Variants in ASTN2 observed in about 807,000 individuals in gnomAD.
The protein encoded by ASTN2 is astrotactin 2.
In ASTN2, 54 loss-of-function variants were observed where a neutral mutation model predicts 139.8. That is an observed-to-expected ratio of 0.39 (90% CI 0.31 to 0.48). ASTN2 has a LOEUF of 0.48. Ranked by LOEUF, ASTN2 falls within the 20% of genes least tolerant of loss-of-function variation. ASTN2 has a pLI of 0.95. For synonymous variants in ASTN2, 756 were observed against 719.5 expected (o/e 1.05, Z -0.81); for missense variants, 1,565 against 1,725.1 (o/e 0.91, Z 1.64).
chr9:117,363,302 C>T (rs1489011557), intron 1 of ASTN2, among the ~76,000 whole-genome samples: 1 of 152,174 alleles, frequency 6.6e-6, no homozygotes, highest in East Asian at 1.9e-4. Flanking sequence ...TGAAGGAAGG[C>T]TTTACAGAAA....
intron 10 of ASTN2, among the ~76,000 whole-genome samples, chr9:116,938,370 T>G (rs1835133004): frequency 6.6e-6 from 1 of 152,200 alleles, no homozygotes; most frequent in African/African-American, 2.4e-5. Context: ...TTCCTGATGG[T>G]GGAGACTTTT....
intron 13 of ASTN2, among the ~76,000 whole-genome samples, chr9:116,770,496 C>G (rs1372332): frequency 0.4 from 60,084 of 152,082 alleles, 13,781 homozygotes; most frequent in Non-Finnish European, 0.52. Context: ...ACCCAGGTCC[C>G]AGAAAGGTGA....
At chr9:117,062,519 ATT>A (rs200683839) in intron 5 of ASTN2, among the ~76,000 whole-genome samples, 1 of 152,070 alleles carries the variant, frequency 6.6e-6, no homozygotes, top group Non-Finnish European at 1.5e-5. Flanking sequence ...ATTTTTAAAC[ATT>A]TTTTTTCCTG....
Position 117,366,552 on chromosome 9 carries a change from CCT to C in ASTN2, c.442+47943_442+47944del, listed in dbSNP as rs543883784. On this transcript the variant is annotated intron_variant, in intron 1 of 22. Transcript: ENST00000313400. ...CATGATCTTTTCATAAGAAATCCCC[CCT>C]CTCTCTAACTCCTCTGAGAACACAG... Among the ~76,000 whole-genome samples the C allele has an allele frequency of 3.9e-5, 6 of 152,160 alleles. No homozygotes were observed. The East Asian group carries it at 7.8e-4, about 20-fold the overall frequency.
At chr9:117,215,007 C>T (rs1392456392) in intron 2 of ASTN2, among the ~76,000 whole-genome samples, 1 of 152,204 alleles carries the variant, frequency 6.6e-6, no homozygotes, top group African/African-American at 2.4e-5. Flanking sequence ...GGAATCCCTG[C>T]TCTTCCTTCT....
intron 3 of ASTN2, among the ~76,000 whole-genome samples, chr9:117,148,852 G>C (rs1591256): frequency 0.13 from 19,568 of 152,090 alleles, 1,554 homozygotes; most frequent in Non-Finnish European, 0.18. Flanking sequence ...ATGGAAGAAA[G>C]ACTAACCTCT....
chr9:117,084,095 T>C (rs1329751293), intron 5 of ASTN2, among the ~76,000 whole-genome samples: 1 of 151,000 alleles, frequency 6.6e-6, no homozygotes, highest in Non-Finnish European at 1.5e-5. Flanking sequence ...AGGGAGAGAA[T>C]AGAGACAGAT....
chr9:117,045,995 T>TACGTACGTAC (rs1402092655), intron 5 of ASTN2, among the ~76,000 whole-genome samples: 11 of 122,864 alleles, frequency 9.0e-5, no homozygotes, highest in South Asian at 2.7e-4. Context: ...TACGTACGTA[T>TACGTACGTAC]GTATGTATGT....
At chr9:117,099,487 A>G (rs1256862156) in intron 4 of ASTN2, among the ~76,000 whole-genome samples, 2 of 152,358 alleles carry the variant, frequency 1.3e-5, no homozygotes, top group East Asian at 1.9e-4. Context: ...CTGGAGCAAG[A>G]TAGACAGAGT....
chr9:116,679,198 G>A (rs1301594110), intron 16 of ASTN2, among the ~76,000 whole-genome samples: 3 of 152,082 alleles, frequency 2.0e-5, no homozygotes, highest in Non-Finnish European at 4.4e-5. Flanking sequence ...GATGACTTAT[G>A]GTAACCTGGG....
At chr9:117,249,727 G>T (rs927984059) in intron 2 of ASTN2, among the ~76,000 whole-genome samples, 3 of 151,122 alleles carry the variant, frequency 2.0e-5, no homozygotes, top group African/African-American at 7.3e-5. Flanking sequence ...TGGAGAGGCT[G>T]AAATCCAGAT....
At chr9:116,686,549 G>A (rs1860219187) in intron 16 of ASTN2, 9 of 762,196 alleles carry the variant, frequency 1.2e-5, no homozygotes, top group South Asian at 1.2e-4. Flanking sequence ...TGCAGGTCGT[G>A]GCCAGCCAGT....
At chr9:116,691,780 C>G in intron 16 of ASTN2, among the ~76,000 whole-genome samples, 1 of 152,168 alleles carries the variant, frequency 6.6e-6, no homozygotes, top group East Asian at 1.9e-4. Context: ...GTCCTGCTAA[C>G]GAGTGGCCTT....
chr9:117,228,400 T>C (rs117635345), intron 2 of ASTN2, among the ~76,000 whole-genome samples: 1 of 152,240 alleles, frequency 6.6e-6, no homozygotes, highest in East Asian at 1.9e-4. Context: ...CTTAGAGGCA[T>C]TGTTTTGCTG....
chr9:116,917,860 T>A (rs1444077233), intron 10 of ASTN2, among the ~76,000 whole-genome samples: 1 of 152,190 alleles, frequency 6.6e-6, no homozygotes, highest in African/African-American at 2.4e-5. Flanking sequence ...CTCAAGATAG[T>A]GCCTGATATG....
chr9:116,431,791 A>C (rs942657780), intron 22 of ASTN2, among the ~76,000 whole-genome samples: 1 of 152,208 alleles, frequency 6.6e-6, no homozygotes, highest in East Asian at 1.9e-4. Context: ...GCTTCAAGCC[A>C]GTCATTGATT....
intron 13 of ASTN2, among the ~76,000 whole-genome samples, chr9:116,778,243 G>T (rs986318154): frequency 6.6e-6 from 1 of 152,028 alleles, no homozygotes; most frequent in Non-Finnish European, 1.5e-5. Flanking sequence ...AATCTAGAAA[G>T]ATAGCACTAC....
intron 5 of ASTN2, among the ~76,000 whole-genome samples, chr9:117,045,979 T>TACATACGTAC (rs1564399779): frequency 8.0e-6 from 1 of 124,534 alleles, no homozygotes; most frequent in Non-Finnish European, 1.8e-5. Context: ...TATGTATGTA[T>TACATACGTAC]GTACGTACGT....
intron 13 of ASTN2, among the ~76,000 whole-genome samples, chr9:116,765,626 GTGAT>G (rs1829786714): frequency 6.6e-6 from 1 of 152,040 alleles, no homozygotes; most frequent in Non-Finnish European, 1.5e-5. Flanking sequence ...CTATCAATAG[GTGAT>G]TGATTAAATG....
Sources: gnomAD v4.1 joint callset for allele counts (sites outside exome capture counted in the v4.1 genomes callset) on GRCh38, gnomAD v4.1.1 for gene constraint, MANE v1.5 for transcripts, NCBI Gene and HGNC (gene_info 2026-07-23, HGNC 2026-07-21) for gene names.